The following PKM variants were observed in gnomAD, a reference collection of about 807,000 sequenced individuals.
PKM encodes pyruvate kinase M1/2.
In PKM, 18 loss-of-function variants were observed where a neutral mutation model predicts 49.8. The observed-to-expected ratio is 0.36, with a 90% CI of 0.25 to 0.54. The LOEUF is 0.54. Ranked by LOEUF, PKM falls within the 20% of genes least tolerant of loss-of-function variation. The pLI, the probability that PKM is intolerant of heterozygous loss-of-function variation, is 0.89. For synonymous variants in PKM, 239 were observed against 261.8 expected (o/e 0.91, Z 0.84); for missense variants, 508 against 713.8 (o/e 0.71, Z 3.28).
At chr15:72,217,314 T>C in intron 3 of PKM, 95 bp downstream of exon 3, 1 of 790,926 alleles carries the variant, frequency 1.3e-6, no homozygotes, top group South Asian at 1.4e-5. Flanking sequence ...CTCAGACTCA[T>C]CCTTGTCTAG....
chr15:72,214,822 A>G (rs1015996013), intron 3 of PKM, among the ~76,000 whole-genome samples: 3 of 151,446 alleles, frequency 2.0e-5, no homozygotes, highest in African/African-American at 7.3e-5. Flanking sequence ...AAATAAATAA[A>G]TCTGGAAAAC....
chr15:72,229,932 AAAAAG>A (rs1179539231), intron 1 of PKM, among the ~76,000 whole-genome samples: 1 of 150,156 alleles, frequency 6.7e-6, no homozygotes, highest in Non-Finnish European at 1.5e-5. Context: ...AAAAGAAAGA[AAAAAG>A]AAAGGAAAAG....
At chr15:72,226,512 G>A (rs1313083834) in intron 1 of PKM, among the ~76,000 whole-genome samples, 1 of 152,000 alleles carries the variant, frequency 6.6e-6, no homozygotes, top group Non-Finnish European at 1.5e-5. Flanking sequence ...CCTGGGTCAT[G>A]GTGCGAGACT....
chr15:72,224,801 C>T (rs1358387094), intron 1 of PKM, among the ~76,000 whole-genome samples: 3 of 149,414 alleles, frequency 2.0e-5, no homozygotes, highest in Non-Finnish European at 4.4e-5. Context: ...CTGCAGTGAA[C>T]GGAGATCGCA....
At chr15:72,221,348 C>T in intron 1 of PKM, 1 of 933,734 alleles carries the variant, frequency 1.1e-6, no homozygotes, top group Non-Finnish European at 1.6e-6. Context: ...GGAAAAATTA[C>T]CTTAATAACC....
intron 3 of PKM, among the ~76,000 whole-genome samples, chr15:72,214,176 T>G (rs1386692144): frequency 2.0e-5 from 3 of 152,210 alleles, no homozygotes; most frequent in Non-Finnish European, 4.4e-5. Flanking sequence ...TAATTTCCAC[T>G]AAAAAATTTT....
At chr15:72,203,131 G>C (rs945647693) in intron 8 of PKM, 3 of 1,613,768 alleles carry the variant, frequency 1.9e-6, no homozygotes, top group African/African-American at 2.7e-5. Context: ...CTTGAGGCTC[G>C]CACAAGTTCT....
chr15:72,228,905 G>A (rs976866544), intron 1 of PKM, among the ~76,000 whole-genome samples: 1 of 152,188 alleles, frequency 6.6e-6, no homozygotes, highest in African/African-American at 2.4e-5. Context: ...TCCTCTGGTA[G>A]GTAGTATTCT....
At chr15:72,206,332 C>T (rs2082077454) in intron 8 of PKM, 1 of 224,752 alleles carries the variant, frequency 4.4e-6, no homozygotes, top group African/African-American at 2.3e-5. Flanking sequence ...AGCCCCTAGC[C>T]CTTTTCAGAA....
rs749589469 is a variant in PKM at position 72,199,510 on chromosome 15, G to A, written c.*140C>T. The A allele has an allele frequency of 1.1e-5, 8 of 720,554 alleles. No homozygotes were observed. In the African/African-American group the frequency reaches 1.2e-4, roughly 11 times the overall value. 44.6% of individuals were successfully genotyped at this position (720,554 alleles called of 1,614,324 possible). On this transcript the variant is annotated 3_prime_UTR_variant, in exon 11 of 11. Transcript: ENST00000335181. ...GCAAACACAGCCATGTTTCAGTGAG[G>A]CGTTGATCTTCTTCCCTGGTGTCCC... is the stretch of plus-strand genomic sequence containing the variant.
intron 4 of PKM, chr15:72,210,132 A>G: frequency 2.5e-6 from 1 of 392,180 alleles, no homozygotes. Flanking sequence ...TTTTTAGGGT[A>G]AAAAAAAAAG....
intron 1 of PKM, among the ~76,000 whole-genome samples, chr15:72,224,708 C>CA (rs1351826544): frequency 3.9e-5 from 6 of 151,914 alleles, no homozygotes; most frequent in African/African-American, 1.4e-4. Flanking sequence ...ACTAAACATA[C>CA]AAAAATTAGC....
chr15:72,223,536 A>C (rs767845645), intron 1 of PKM, among the ~76,000 whole-genome samples: 1 of 152,180 alleles, frequency 6.6e-6, no homozygotes, highest in Non-Finnish European at 1.5e-5. Flanking sequence ...TGCATCCGTT[A>C]GAAAGTCTGC....
chr15:72,205,107 T>G (rs2082038899), intron 8 of PKM, among the ~76,000 whole-genome samples: 1 of 147,108 alleles, frequency 6.8e-6, no homozygotes, highest in Non-Finnish European at 1.5e-5. Flanking sequence ...CCGATTTTTT[T>G]GTTTTTTTTT....
intron 3 of PKM, among the ~76,000 whole-genome samples, chr15:72,210,791 C>T (rs915083973): frequency 1.3e-5 from 2 of 152,192 alleles, no homozygotes; most frequent in African/African-American, 4.8e-5. Context: ...ATCATAAAAG[C>T]AGCTGTGTCC....
intron 1 of PKM, among the ~76,000 whole-genome samples, chr15:72,221,992 C>A (rs1209235175): frequency 1.3e-5 from 2 of 151,456 alleles, no homozygotes; most frequent in Admixed American, 6.6e-5. Context: ...ATGCCCAAAT[C>A]CAGCAAACTA....
chr15:72,207,073 CCATA>C, intron 7 of PKM, 50 bp downstream of exon 7: 2 of 1,604,268 alleles, frequency 1.2e-6, no homozygotes, highest in African/African-American at 1.3e-5. Context: ...CAGAGCTTTC[CCATA>C]CAAACATGCG....
intron 1 of PKM, among the ~76,000 whole-genome samples, chr15:72,220,836 C>T (rs1222982787): frequency 1.3e-5 from 2 of 151,564 alleles, no homozygotes; most frequent in Non-Finnish European, 2.9e-5. Context: ...GACAGGAAAG[C>T]CTGGGGCCCC....
At chr15:72,222,022 A>G (rs1026090100) in intron 1 of PKM, among the ~76,000 whole-genome samples, 2 of 152,106 alleles carry the variant, frequency 1.3e-5, no homozygotes, top group African/African-American at 4.8e-5. Context: ...CAAGCTTTAC[A>G]GTAAAAGCTT....
Sources: allele counts gnomAD v4.1 joint callset (sites outside exome capture counted in the v4.1 genomes callset), GRCh38; gene constraint gnomAD v4.1.1; transcripts MANE v1.5; gene names NCBI Gene and HGNC (gene_info 2026-07-23, HGNC 2026-07-21).